The following PDAP1 variants were observed in gnomAD, a reference collection of about 807,000 sequenced individuals.
PDAP1 encodes PDGFA associated protein 1, also known as 28 kDa heat- and acid-stable phosphoprotein.
Under a neutral mutation model 28.0 loss-of-function variants are expected in PDAP1, and 13 were observed. That is an observed-to-expected ratio of 0.46 (90% CI 0.30 to 0.74). PDAP1 has a LOEUF of 0.74. Among genes scored for constraint, PDAP1 ranks in the 30% least tolerant of loss-of-function variants. The pLI is 0.07. For missense variants in PDAP1, 150 were observed against 230.0 expected (o/e 0.65, Z 2.25); for synonymous variants, 77 against 85.1 (o/e 0.91, Z 0.52).
chr7:99,403,321 T>C, intron 3 of PDAP1, 77 bp downstream of exon 3: 1 of 852,604 alleles, frequency 1.2e-6, no homozygotes, highest in Non-Finnish European at 2.0e-6. Context: ...CCTTTGGGAC[T>C]AGTACTAAAC....
chr7:99,407,814 T>A (rs985867342), intron 1 of PDAP1, among the ~76,000 whole-genome samples: 3 of 152,126 alleles, frequency 2.0e-5, no homozygotes, highest in Non-Finnish European at 4.4e-5. Flanking sequence ...CGGGCTACAA[T>A]GGACTGGGCA....
intron 1 of PDAP1, chr7:99,406,452 C>A: frequency 2.0e-6 from 1 of 501,186 alleles, no homozygotes; most frequent in Non-Finnish European, 2.6e-6. Context: ...CAGGCAAAAA[C>A]TTTGTGCTTA....
At chr7:99,403,213 T>G (rs1794912150) in intron 3 of PDAP1, 185 bp downstream of exon 3, 1 of 593,048 alleles carries the variant, frequency 1.7e-6, no homozygotes, top group African/African-American at 1.9e-5. Context: ...GTTTTGTTAG[T>G]AACACTTCTC....
chr7:99,400,914 C>T (rs1180457841), intron 3 of PDAP1, among the ~76,000 whole-genome samples: 2 of 152,170 alleles, frequency 1.3e-5, no homozygotes, highest in African/African-American at 2.4e-5. Context: ...GCTACTGGAT[C>T]ACACACTCTA....
intron 1 of PDAP1, 125 bp from the exon 2 acceptor site, chr7:99,405,078 C>T: frequency 1.5e-6 from 1 of 645,242 alleles, no homozygotes; most frequent in Non-Finnish European, 2.7e-6. Context: ...CAGCACCACC[C>T]AAACCGACAC....
rs73711208 is a variant in PDAP1, at chr7:99,396,245, C to G, written c.*437G>C. 3,441 of 248,888 alleles carry G rather than the reference C, an allele frequency of 0.014. 91 individuals carry two copies. Among genetic ancestry groups the G allele is most frequent in the African/African-American group, 0.073 (3,072 of 42,352 alleles). The allele number at this position is 248,888 out of a possible 1,614,324, so 15.4% of individuals were successfully genotyped here. A position where few individuals can be genotyped will look rare whatever the true frequency, so the allele number is the denominator to read the frequency against. On this transcript the variant is annotated 3_prime_UTR_variant, in exon 6 of 6. Transcript: ENST00000350498. ...AGGGGCACAGGCTCCCAGATGATAG[C>G]CCCTCTCTGAATGAGCACCCAGGCA...
At position 99,396,687 on chromosome 7, in the gene PDAP1, T is replaced by C. The variant is rs1318377739; in HGVS notation, c.541A>G (p.Lys181Glu). 1 of 1,611,542 alleles carries C rather than the reference T, an allele frequency of 6.2e-7. No individual in the cohort carries two copies. Among genetic ancestry groups the C allele is most frequent in the Non-Finnish European group, 8.5e-7 (1 of 1,179,442 alleles). ...TCTCCTCCCACGGGTCGCAGTTACT[T>C]ATTCAGGGAGAGTGACTGCATTCGT... ...GKRMQSLSLN[K>E] The change falls in exon 6 of 6, where the codon AAG becomes GAG. Residue 181 changes from lysine (K) to glutamate (E), a missense_variant. Physicochemically the swap from Lys to Glu is moderately conservative, Grantham distance 56. Transcript: ENST00000350498.
At chr7:99,407,896 C>T (rs1412739451) in intron 1 of PDAP1, among the ~76,000 whole-genome samples, 5 of 152,210 alleles carry the variant, frequency 3.3e-5, no homozygotes, top group Non-Finnish European at 1.5e-5. Flanking sequence ...CTTCACTGGG[C>T]ACTTTTAACG....
In PDAP1 at chr7:99,406,547, T is replaced by C. The variant is rs949266099; in HGVS notation, c.14-1594A>G. ...TTAAAAATGTGACTAGCAGTTAAAG[T>C]GTCAGTTTTATAGTCTGACCCTCTT... On this transcript the variant is annotated intron_variant, in intron 1 of 5. Coordinates refer to ENST00000350498, the MANE Select transcript of PDAP1 (RefSeq NM_014891.7). 5 of 983,428 alleles carry C rather than the reference T, an allele frequency of 5.1e-6. No individual in the cohort carries two copies. In the South Asian group the frequency reaches 2.4e-4, roughly 46 times the overall value. The allele number at this position is 983,428 out of a possible 1,614,324, so 60.9% of individuals were successfully genotyped here.
intron 3 of PDAP1, among the ~76,000 whole-genome samples, chr7:99,402,183 C>T (rs1305720657): frequency 2.1e-5 from 3 of 145,034 alleles, no homozygotes; most frequent in Non-Finnish European, 3.0e-5. Flanking sequence ...GAGCCGAGAT[C>T]GCACCACTGC....
At chr7:99,402,895 AAG>A (rs1467447667) in intron 3 of PDAP1, among the ~76,000 whole-genome samples, 2 of 127,620 alleles carry the variant, frequency 1.6e-5, no homozygotes, top group African/African-American at 8.7e-5. Flanking sequence ...AAAAAAAAAA[AAG>A]AAAAGAAAAG....
chr7:99,396,338 T>G lies in PDAP1; in HGVS notation c.*344A>C. On this transcript the variant is annotated 3_prime_UTR_variant, in exon 6 of 6. Transcript: ENST00000350498. ...CTCCTGGGACAACCACCCCCTTACATGCTATCTATCTACCAGACAAATGAA... is the reference window on the plus strand; with the variant it reads ...CTCCTGGGACAACCACCCCCTTACAGGCTATCTATCTACCAGACAAATGAA... 2.7e-6 allele frequency: 1 copy of G among 367,212 alleles called. No individual in the cohort carries two copies. Among genetic ancestry groups the G allele is most frequent in the Non-Finnish European group, 5.2e-6 (1 of 193,040 alleles). 22.7% of individuals were successfully genotyped at this position (367,212 alleles called of 1,614,324 possible).
At position 99,400,439 on chromosome 7, in the gene PDAP1, G is replaced by A. The variant is rs970604081; in HGVS notation, c.214-15C>T. 1 of 1,613,884 alleles carries A rather than the reference G, an allele frequency of 6.2e-7. No individual in the cohort carries two copies. Among genetic ancestry groups the A allele is most frequent in the Non-Finnish European group, 8.5e-7 (1 of 1,179,914 alleles). On this transcript the variant is annotated splice_polypyrimidine_tract_variant and intron_variant, in intron 3 of 5. Coordinates refer to ENST00000350498, the MANE Select transcript of PDAP1 (RefSeq NM_014891.7). ...TTGCGCTTTTGCTAGAACAGGGCAA[G>A]AAGCTGGTTGTTGGAGTTCAGGTCC...
At chr7:99,398,501 G>A (rs1008663813) in intron 4 of PDAP1, among the ~76,000 whole-genome samples, 1 of 152,222 alleles carries the variant, frequency 6.6e-6, no homozygotes, top group East Asian at 1.9e-4. Flanking sequence ...AGACCTGCCT[G>A]GGCAATATAG....
intron 3 of PDAP1, 44 bp downstream of exon 3, chr7:99,403,354 G>C (rs531924720): frequency 7.6e-6 from 9 of 1,182,338 alleles, no homozygotes; most frequent in Non-Finnish European, 1.1e-5. Flanking sequence ...TTTGTTTGTT[G>C]AATGAATGAG....
intron 1 of PDAP1, 141 bp downstream of exon 1, chr7:99,408,395 G>C: frequency 1.5e-6 from 1 of 688,740 alleles, no homozygotes. Context: ...ATTGGGCGTC[G>C]AGGCCCAGGC....
At chr7:99,399,687 G>A (rs1265165780) in intron 4 of PDAP1, among the ~76,000 whole-genome samples, 2 of 152,338 alleles carry the variant, frequency 1.3e-5, no homozygotes, top group South Asian at 4.1e-4. Context: ...TCCCAGTCAG[G>A]AGAGAAACTA....
intron 5 of PDAP1, 149 bp downstream of exon 5, chr7:99,397,713 G>T: frequency 1.2e-6 from 1 of 850,258 alleles, no homozygotes; most frequent in Non-Finnish European, 1.8e-6. Flanking sequence ...CAGGCACAGG[G>T]AGGGTGGCCC....
At chr7:99,400,870 T>G (rs1794852121) in intron 3 of PDAP1, among the ~76,000 whole-genome samples, 1 of 152,112 alleles carries the variant, frequency 6.6e-6, no homozygotes, top group South Asian at 2.1e-4. Flanking sequence ...CCACCCACCT[T>G]AGCTGATGGA....
Sources: gnomAD v4.1 joint callset for allele counts (sites outside exome capture counted in the v4.1 genomes callset) on GRCh38, gnomAD v4.1.1 for gene constraint, MANE v1.5 for transcripts, NCBI Gene and HGNC (gene_info 2026-07-23, HGNC 2026-07-21) for gene names.